Variants in ANO2 observed in about 807,000 individuals in gnomAD.
ANO2 encodes anoctamin 2.
ANO2 carries 101 observed loss-of-function variants against 124.2 expected under a neutral mutation model. That is an observed-to-expected ratio of 0.81 (90% CI 0.69 to 0.96). ANO2 has a LOEUF of 0.96. Ranked by LOEUF, ANO2 falls within the 40% of genes least tolerant of loss-of-function variation. The probability of loss-of-function intolerance (pLI) is 0.00; values close to 1 mark genes in which losing one functional copy is unlikely to be tolerated. For synonymous variants in ANO2, 486 were observed against 482.5 expected, an observed-to-expected ratio of 1.01 and a Z score of -0.09; for missense variants, 1,293 against 1,274.5, an observed-to-expected ratio of 1.01 and a Z score of -0.22.
intron 11 of ANO2, among the ~76,000 whole-genome samples, chr12:5,749,322 C>A (rs1425723563): frequency 6.6e-6 from 1 of 152,222 alleles, no homozygotes; most frequent in Non-Finnish European, 1.5e-5. Flanking sequence ...AGCTATCCTG[C>A]CCCCTAGCCA....
intron 23 of ANO2, among the ~76,000 whole-genome samples, chr12:5,572,277 G>A (rs1021892087): frequency 3.3e-5 from 5 of 151,912 alleles, no homozygotes; most frequent in African/African-American, 9.7e-5. Flanking sequence ...GTGTTCTCTC[G>A]GAACCTCCAT....
chr12:5,576,535 A>G (rs1471089435), intron 22 of ANO2, among the ~76,000 whole-genome samples: 3 of 152,210 alleles, frequency 2.0e-5, no homozygotes, highest in African/African-American at 7.2e-5. Flanking sequence ...GTCATGTAAT[A>G]GAAGTTATTC....
At chr12:5,857,772 T>TGATA (rs59071869) in intron 3 of ANO2, among the ~76,000 whole-genome samples, 37,052 of 148,230 alleles carry the variant, frequency 0.25, 4,818 homozygotes, top group Non-Finnish European at 0.3. Context: ...AAAAGAAATG[T>TGATA]GATAGATAGA....
At chr12:5,632,042 G>C (rs751687014) in intron 16 of ANO2, among the ~76,000 whole-genome samples, 3 of 152,158 alleles carry the variant, frequency 2.0e-5, no homozygotes, top group Non-Finnish European at 4.4e-5. Context: ...AGGACAGGAG[G>C]AATATGAAGA....
Position 5,922,699 on chromosome 12 carries a change from G to A in ANO2, c.128C>T (p.Pro43Leu), listed in dbSNP as rs561008294. The change falls in exon 2 of 25, where the codon CCC becomes CTC. Residue 43 changes from proline (P) to leucine (L), a missense_variant. Pro to Leu is a moderately conservative substitution (Grantham distance 98). Transcript: ENST00000682330. Reference sequence around the variant, plus strand: ...ACCGCCCTGCAGACCTGGGGCCCGGGGACCTGGCATCTTGAGACACTGCTG... The same window carrying A: ...ACCGCCCTGCAGACCTGGGGCCCGGAGACCTGGCATCTTGAGACACTGCTG... ...HGQQCLKMPG[P>L]RAPGLQGGSN... 1.3e-5 allele frequency: 20 copies of A among 1,591,132 alleles called. No individual in the cohort carries two copies. Among genetic ancestry groups the A allele is most frequent in the African/African-American group, 4.0e-5 (3 of 74,660 alleles).
rs911737142 is a variant in ANO2, at chr12:5,930,480, C to T, written c.23-7676G>A. Among the ~76,000 whole-genome samples, 3 of 152,116 alleles carry T rather than the reference C, an allele frequency of 2.0e-5. No homozygotes were observed. The East Asian group carries it at 5.8e-4, about 29-fold the overall frequency. Reference sequence around the variant, plus strand: ...AGGTGCGGACTCGATCAGGAAAGACCCTGTATGTCATATATGACAATTTGG... The same window carrying T: ...AGGTGCGGACTCGATCAGGAAAGACTCTGTATGTCATATATGACAATTTGG... On this transcript the variant is annotated intron_variant, in intron 1 of 24. Transcript: ENST00000682330.
chr12:5,572,091 C>T (rs1443089725), intron 23 of ANO2, among the ~76,000 whole-genome samples: 1 of 152,180 alleles, frequency 6.6e-6, no homozygotes, highest in African/African-American at 2.4e-5. Flanking sequence ...CAATAAAAAG[C>T]TTGATCTCAT....
intron 1 of ANO2, among the ~76,000 whole-genome samples, chr12:5,928,182 T>C (rs1338995746): frequency 6.6e-6 from 1 of 152,150 alleles, no homozygotes; most frequent in East Asian, 1.9e-4. Flanking sequence ...ACTGGACTTC[T>C]GGGCAGTTGG....
At chr12:5,821,054 C>T (rs367944755) in intron 7 of ANO2, among the ~76,000 whole-genome samples, 1 of 152,212 alleles carries the variant, frequency 6.6e-6, no homozygotes, top group Non-Finnish European at 1.5e-5. Flanking sequence ...TTTGGAGAGA[C>T]CTTGATCGTT....
intron 20 of ANO2, among the ~76,000 whole-genome samples, chr12:5,588,523 G>C (rs775585872): frequency 1.3e-5 from 2 of 152,202 alleles, no homozygotes; most frequent in African/African-American, 2.4e-5. Context: ...GAGGTGCACT[G>C]TTCAACTAGG....
intron 14 of ANO2, among the ~76,000 whole-genome samples, chr12:5,675,381 C>A (rs1339046063): frequency 6.6e-6 from 1 of 152,176 alleles, no homozygotes; most frequent in Non-Finnish European, 1.5e-5. Flanking sequence ...TCTCTGGGGG[C>A]AGAGACCACT....
chr12:5,567,678 T>C (rs1941852036), intron 23 of ANO2, among the ~76,000 whole-genome samples: 1 of 152,220 alleles, frequency 6.6e-6, no homozygotes. Context: ...CTGAAAAGAA[T>C]CCATAAATAA....
At chr12:5,911,367 C>T (rs1173397333) in intron 3 of ANO2, among the ~76,000 whole-genome samples, 3 of 152,122 alleles carry the variant, frequency 2.0e-5, no homozygotes, top group African/African-American at 4.8e-5. Context: ...AGCCCCAGAC[C>T]GATAAAGACC....
chr12:5,765,191 A>T (rs1193725434), intron 10 of ANO2, among the ~76,000 whole-genome samples: 1 of 152,214 alleles, frequency 6.6e-6, no homozygotes, highest in African/African-American at 2.4e-5. Context: ...AAGGTTAAAA[A>T]TTCCAATGCC....
At chr12:5,675,568 G>A (rs1255974037) in intron 14 of ANO2, among the ~76,000 whole-genome samples, 2 of 152,270 alleles carry the variant, frequency 1.3e-5, no homozygotes, top group African/African-American at 2.4e-5. Flanking sequence ...TCAACTTTAC[G>A]TTTGACATTT....
At chr12:5,643,844 G>C (rs12578184) in intron 15 of ANO2, among the ~76,000 whole-genome samples, 8,937 of 152,130 alleles carry the variant, frequency 0.059, 365 homozygotes, top group East Asian at 0.12. Flanking sequence ...CTTTTGTGAA[G>C]TACATATTCA....
intron 20 of ANO2, among the ~76,000 whole-genome samples, chr12:5,593,579 G>A (rs969046131): frequency 2.0e-5 from 3 of 152,200 alleles, no homozygotes; most frequent in African/African-American, 4.8e-5. Context: ...AGAGATCACC[G>A]TATTCAGGAG....
intron 15 of ANO2, among the ~76,000 whole-genome samples, chr12:5,637,878 C>G (rs1946104112): frequency 6.6e-6 from 1 of 152,184 alleles, no homozygotes; most frequent in South Asian, 2.1e-4. Flanking sequence ...AGCTTTCGAG[C>G]TGCAGGAACT....
At position 5,667,741 on chromosome 12, in the gene ANO2, C is replaced by T. The variant is rs139605668; in HGVS notation, c.1546-19940G>A. On this transcript the variant is annotated intron_variant, in intron 14 of 24. Coordinates refer to ENST00000682330, the MANE Select transcript of ANO2 (RefSeq NM_001364791.2). ...AACAGGCCCCAGTGTGTGTTGCTCC[C>T]CTCCCTGTGTCCATGTGTTCTCATT... Among the ~76,000 whole-genome samples, 876 of 152,270 alleles carry T rather than the reference C, an allele frequency of 5.8e-3. 9 individuals are homozygous for T. The highest frequency in any genetic ancestry group is 0.032 in the South Asian group (152 of 4,810).
Sources: gnomAD v4.1 joint callset for allele counts (sites outside exome capture counted in the v4.1 genomes callset) on GRCh38, gnomAD v4.1.1 for gene constraint, MANE v1.5 for transcripts, NCBI Gene and HGNC (gene_info 2026-07-23, HGNC 2026-07-21) for gene names.